ASMTL: variants seen among roughly 807,000 people sequenced by gnomAD.
The protein encoded by ASMTL is probable bifunctional dTTP/UTP pyrophosphatase/methyltransferase protein.
Under a neutral mutation model 60.3 loss-of-function variants are expected in ASMTL, and 57 were observed. The ratio of observed to expected loss-of-function variants is 0.95; its 90% CI spans 0.76 to 1.18. The LOEUF is 1.18. ASMTL is among the 50% of genes most tolerant of loss of function. ASMTL has a pLI of 0.00. For synonymous variants in ASMTL, 419 were observed against 373.0 expected (o/e 1.12, Z -1.42); for missense variants, 981 against 852.6 (o/e 1.15, Z -1.88).
At chrX:1,443,875 G>A (rs1199624238) in intron 1 of ASMTL, among the ~76,000 whole-genome samples, 2 of 151,046 alleles carry the variant, frequency 1.3e-5, no homozygotes, top group African/African-American at 2.4e-5. Flanking sequence ...GACAGACACC[G>A]CCGTCGTGGA....
chrX:1,416,349 T>TCCA (rs1222768119), intron 11 of ASMTL, among the ~76,000 whole-genome samples: 4 of 72,326 alleles, frequency 5.5e-5, no homozygotes, highest in African/African-American at 2.5e-4. Context: ...ACAGATACAG[T>TCCA]GACAGGCACA....
At chrX:1,449,988 T>C (rs1476819360) in intron 1 of ASMTL, among the ~76,000 whole-genome samples, 1 of 144,664 alleles carries the variant, frequency 6.9e-6, no homozygotes, top group East Asian at 2.1e-4. Context: ...TCATCACCGG[T>C]AACTACGCCC....
In ASMTL at chrX:1,421,741, A is replaced by G; in HGVS notation, c.1162T>C (p.Phe388Leu). 3 of 1,613,868 alleles carry G rather than the reference A, an allele frequency of 1.9e-6. No individual in the cohort carries two copies. Among genetic ancestry groups the G allele is most frequent in the Non-Finnish European group, 2.5e-6 (3 of 1,179,846 alleles). The part of the protein sequence containing the change: ...MHNNDLTWNL[F>L]TYLEFAIREG... The stretch of plus-strand genomic sequence containing the variant: ...CGGATGGCAAACTCCAGGTATGTAA[A>G]GAGGTTCCATGTGAGGTCATTATTG... Residue 388 changes from phenylalanine (F) to leucine (L), a missense_variant, in exon 9 of 13, where the codon TTT becomes CTT. Transcript: ENST00000381317.
At chrX:1,414,211 G>A (rs1230946236) in intron 11 of ASMTL, among the ~76,000 whole-genome samples, 3 of 152,292 alleles carry the variant, frequency 2.0e-5, no homozygotes, top group Non-Finnish European at 2.9e-5. Context: ...GGAGAGGCAG[G>A]AAGGATCCTC....
At chrX:1,420,339 G>C (rs1355019648) in intron 9 of ASMTL, among the ~76,000 whole-genome samples, 5 of 151,426 alleles carry the variant, frequency 3.3e-5, no homozygotes, top group Non-Finnish European at 7.4e-5. Flanking sequence ...CTCCATCTCT[G>C]TCTGTCTCTG....
chrX:1,427,619 C>T, intron 7 of ASMTL, 115 bp downstream of exon 7: 2 of 1,158,626 alleles, frequency 1.7e-6, no homozygotes, highest in South Asian at 2.9e-5. Flanking sequence ...GGCCCTGAGA[C>T]AACCTGACCT....
chrX:1,448,675 C>T (rs2091284692), intron 1 of ASMTL, among the ~76,000 whole-genome samples: 1 of 151,514 alleles, frequency 6.6e-6, no homozygotes, highest in Admixed American at 6.6e-5. Flanking sequence ...GGAGACACAC[C>T]ATCTTGGACA....
At chrX:1,448,294 T>C (rs113267754) in intron 1 of ASMTL, among the ~76,000 whole-genome samples, 11 of 146,056 alleles carry the variant, frequency 7.5e-5, no homozygotes, top group Non-Finnish European at 1.6e-4. Context: ...CACACCGCCA[T>C]CTTGGATAAG....
intron 12 of ASMTL, among the ~76,000 whole-genome samples, chrX:1,407,441 A>G (rs2089905331): frequency 6.7e-6 from 1 of 149,086 alleles, no homozygotes. Context: ...GGGTGAATAG[A>G]TGGTAGATGA....
At chrX:1,407,442 TGGTAGATGATA>T (rs2089905544) in intron 12 of ASMTL, among the ~76,000 whole-genome samples, 1 of 148,892 alleles carries the variant, frequency 6.7e-6, no homozygotes, top group South Asian at 2.1e-4. Flanking sequence ...GGTGAATAGA[TGGTAGATGATA>T]GGTAGATAGA....
Position 1,428,088 on chromosome X carries a change from C to T in ASMTL, c.543G>A (p.Leu181=). Residue 181 remains leucine, a synonymous_variant, in exon 7 of 13, where the codon CTG becomes CTA. Transcript: ENST00000381317. ...DKAGGYGIQA[L]GGMLVESVHG... ...GTACGGACTCCACCAGCATGCCGCC[C>T]AGGGCCTGGATCCCGTAGCCGCCAG... The T allele has an allele frequency of 6.2e-7, 1 of 1,610,532 alleles. No individual in the cohort carries two copies. Among genetic ancestry groups the T allele is most frequent in the South Asian group, 1.1e-5 (1 of 91,000 alleles).
At chrX:1,451,641 G>A (rs1368358510) in intron 1 of ASMTL, among the ~76,000 whole-genome samples, 1 of 143,542 alleles carries the variant, frequency 7.0e-6, no homozygotes, top group African/African-American at 2.6e-5. Context: ...CCCATCCCTA[G>A]GGGGGTCCCG....
chrX:1,404,397 GTGGATGGATGGA>G (rs373976343), intron 12 of ASMTL, among the ~76,000 whole-genome samples: 1 of 150,036 alleles, frequency 6.7e-6, no homozygotes, highest in Non-Finnish European at 1.5e-5. Flanking sequence ...GGGTAGGTAG[GTGGATGGATGGA>G]TGGATGGATG....
intron 5 of ASMTL, among the ~76,000 whole-genome samples, chrX:1,433,557 G>A (rs1257936946): frequency 8.0e-5 from 12 of 150,696 alleles, no homozygotes; most frequent in Middle Eastern, 3.4e-3. Context: ...TGGCGGGCCC[G>A]TCGTCCCAGC....
chrX:1,450,657 T>C (rs768933283), intron 1 of ASMTL, among the ~76,000 whole-genome samples: 6 of 72,814 alleles, frequency 8.2e-5, no homozygotes, highest in Non-Finnish European at 7.9e-5. Flanking sequence ...CTAGGGGTTC[T>C]GGGTCACTCT....
In ASMTL at chrX:1,428,045, C is replaced by A. The variant is rs763441049; in HGVS notation, c.586G>T (p.Val196Leu). ...AAGTGGTTCAGCGGGAATCCCACCACGTTCAGAAAGTCCCCGTGTACGGAC... is the reference window on the plus strand; with the variant it reads ...AAGTGGTTCAGCGGGAATCCCACCAAGTTCAGAAAGTCCCCGTGTACGGAC... ...VESVHGDFLN[V>L]VGFPLNHFCK... Residue 196 changes from valine to leucine, a missense_variant, in exon 7 of 13, where the codon GTG (valine) becomes TTG (leucine). Val to Leu is a conservative substitution (Grantham distance 32). Transcript: ENST00000381317. 1 of 1,613,740 alleles carries A rather than the reference C, an allele frequency of 6.2e-7. No individual in the cohort carries two copies. Among genetic ancestry groups the A allele is most frequent in the Admixed American group, 1.7e-5 (1 of 60,010 alleles).
chrX:1,436,260 G>A (rs112328103), intron 3 of ASMTL, among the ~76,000 whole-genome samples: 27,218 of 152,074 alleles, frequency 0.18, 3,079 homozygotes, highest in Middle Eastern at 0.34. Context: ...TGCAACCTCC[G>A]CCTCCGGGGT....
intron 6 of ASMTL, among the ~76,000 whole-genome samples, chrX:1,430,667 G>A (rs2090745007): frequency 6.6e-6 from 1 of 151,700 alleles, no homozygotes; most frequent in Admixed American, 6.6e-5. Context: ...AGCCACTAGT[G>A]GGGCTGAGGT....
At chrX:1,419,414 T>C (rs1218404589) in intron 9 of ASMTL, among the ~76,000 whole-genome samples, 2 of 152,232 alleles carry the variant, frequency 1.3e-5, no homozygotes, top group East Asian at 1.9e-4. Flanking sequence ...ACAATAAAGC[T>C]TTTCACCCTG....
Sources: allele counts gnomAD v4.1 joint callset (sites outside exome capture counted in the v4.1 genomes callset), GRCh38; gene constraint gnomAD v4.1.1; transcripts MANE v1.5; gene names NCBI Gene and HGNC (gene_info 2026-07-23, HGNC 2026-07-21).